The following MBD5 variants were observed in gnomAD, a reference collection of about 807,000 sequenced individuals.
MBD5 encodes the protein methyl-CpG-binding domain protein 5.
In MBD5, 13 loss-of-function variants were observed where a neutral mutation model predicts 117.3. The ratio of observed to expected loss-of-function variants is 0.11; its 90% CI spans 0.07 to 0.18. The LOEUF (loss-of-function observed/expected upper bound fraction) is 0.18. Among genes scored for constraint, MBD5 ranks in the 10% least tolerant of loss-of-function variants. The pLI is 1.00. For synonymous variants in MBD5, 727 were observed against 766.4 expected, an observed-to-expected ratio of 0.95 and a Z score of 0.85; for missense variants, 1,879 against 2,093.8, an observed-to-expected ratio of 0.90 and a Z score of 2.00.
chr2:148,388,457 A>G (rs1447124261), intron 4 of MBD5, among the ~76,000 whole-genome samples: 2 of 152,182 alleles, frequency 1.3e-5, no homozygotes, highest in East Asian at 3.8e-4. Context: ...TTGAGATTAC[A>G]GTTAGTATGG....
At chr2:148,265,274 T>C (rs191511616) in intron 3 of MBD5, among the ~76,000 whole-genome samples, 60 of 152,344 alleles carry the variant, frequency 3.9e-4, no homozygotes, top group African/African-American at 1.3e-3. Flanking sequence ...CAGTACCTGA[T>C]TAAAATAACA....
chr2:148,318,547 A>G (rs1360500765), intron 3 of MBD5, among the ~76,000 whole-genome samples: 2 of 152,158 alleles, frequency 1.3e-5, no homozygotes, highest in African/African-American at 4.8e-5. Flanking sequence ...GTCAATGTTC[A>G]GAAGAGATTT....
At chr2:148,369,726 T>C (rs1458718024) in intron 4 of MBD5, among the ~76,000 whole-genome samples, 2 of 152,172 alleles carry the variant, frequency 1.3e-5, no homozygotes, top group Non-Finnish European at 2.9e-5. Flanking sequence ...GGTATACTCC[T>C]GTGTTCAAAT....
intron 1 of MBD5, among the ~76,000 whole-genome samples, chr2:148,057,855 T>TA (rs1694913424): frequency 1.3e-5 from 2 of 150,712 alleles, no homozygotes; most frequent in South Asian, 4.3e-4. Context: ...TCTAAAAACT[T>TA]ACTGAGTTGT....
At chr2:148,211,197 G>A (rs1371434962) in intron 2 of MBD5, among the ~76,000 whole-genome samples, 1 of 152,056 alleles carries the variant, frequency 6.6e-6, no homozygotes, top group Non-Finnish European at 1.5e-5. Flanking sequence ...TTTTTTCTCT[G>A]TGAATTATCC....
chr2:148,089,436 T>C (rs565563100), intron 1 of MBD5, among the ~76,000 whole-genome samples: 1 of 152,210 alleles, frequency 6.6e-6, no homozygotes, highest in African/African-American at 2.4e-5. Flanking sequence ...TGATAGACCA[T>C]ACGATAGACC....
intron 1 of MBD5, among the ~76,000 whole-genome samples, chr2:148,058,317 T>C (rs1176531749): frequency 2.0e-5 from 3 of 152,074 alleles, no homozygotes; most frequent in Non-Finnish European, 4.4e-5. Context: ...TACTGAAATG[T>C]TAAATTAATT....
At chr2:148,079,216 C>A (rs189939206) in intron 1 of MBD5, among the ~76,000 whole-genome samples, 14 of 152,280 alleles carry the variant, frequency 9.2e-5, no homozygotes, top group Admixed American at 9.2e-4. Flanking sequence ...GGGATCTCAG[C>A]AGAATTGTGA....
chr2:148,452,285 C>G (rs1706751273), intron 4 of MBD5, among the ~76,000 whole-genome samples: 1 of 152,072 alleles, frequency 6.6e-6, no homozygotes, highest in Non-Finnish European at 1.5e-5. Context: ...CATTTGAGCT[C>G]AGGAGTTCAA....
chr2:148,454,910 T>A (rs558652410), intron 4 of MBD5, among the ~76,000 whole-genome samples: 1 of 152,190 alleles, frequency 6.6e-6, no homozygotes, highest in African/African-American at 2.4e-5. Flanking sequence ...TGGTGTTTGA[T>A]ACAGATTGCA....
At chr2:148,343,816 G>A (rs1275027425) in intron 4 of MBD5, among the ~76,000 whole-genome samples, 1 of 152,008 alleles carries the variant, frequency 6.6e-6, no homozygotes, top group Non-Finnish European at 1.5e-5. Context: ...AGTTTAATTA[G>A]GTCCCAATTG....
rs34236548 is a variant in MBD5 at position 148,397,325 on chromosome 2, CTT to C, written c.-557+55010_-557+55011del. Among the ~76,000 whole-genome samples, 635 of 100,648 alleles carry C rather than the reference CTT, an allele frequency of 6.3e-3. 3 individuals carry two copies. Among genetic ancestry groups the C allele is most frequent in the African/African-American group, 0.017 (461 of 26,372 alleles). The allele number at this position is 100,648 out of a possible 152,430, so 66.0% of individuals were successfully genotyped here. A position where few individuals can be genotyped will look rare whatever the true frequency, so the allele number is the denominator to read the frequency against. Reference sequence around the variant, plus strand: ...GCCCAAATGTTTCTGTCTTCTGATCCTTTTTTTTTTTTTTTTTTTTTTGAGAC... The same window carrying C: ...GCCCAAATGTTTCTGTCTTCTGATCCTTTTTTTTTTTTTTTTTTTTGAGAC... On this transcript the variant is annotated intron_variant, in intron 4 of 13. Coordinates refer to ENST00000642680, the MANE Select transcript of MBD5 (RefSeq NM_001378120.1).
chr2:148,150,703 A>G (rs905868106), intron 1 of MBD5, among the ~76,000 whole-genome samples: 16 of 152,148 alleles, frequency 1.1e-4, no homozygotes, highest in South Asian at 2.1e-4. Context: ...CTTTGAAGCA[A>G]TTGTGAATGG....
At chr2:148,080,214 ATGTT>A (rs1334151296) in intron 1 of MBD5, among the ~76,000 whole-genome samples, 10 of 152,300 alleles carry the variant, frequency 6.6e-5, no homozygotes, top group African/African-American at 2.4e-4. Context: ...CATGTACTGA[ATGTT>A]TGAGTCAGTT....
chr2:148,031,371 T>A (rs1694035093), intron 1 of MBD5, among the ~76,000 whole-genome samples: 1 of 152,118 alleles, frequency 6.6e-6, no homozygotes, highest in Non-Finnish European at 1.5e-5. Context: ...TCTGTAGAGT[T>A]AATCACAGTG....
intron 4 of MBD5, among the ~76,000 whole-genome samples, chr2:148,384,095 T>G (rs1194073495): frequency 6.6e-6 from 1 of 152,022 alleles, no homozygotes; most frequent in East Asian, 1.9e-4. Flanking sequence ...AACATAGTGT[T>G]GGAAGTTCTG....
intron 2 of MBD5, among the ~76,000 whole-genome samples, chr2:148,183,852 A>T (rs1672097655): frequency 6.6e-6 from 1 of 152,086 alleles, no homozygotes; most frequent in African/African-American, 2.4e-5. Flanking sequence ...GAATGACTGC[A>T]TTGTCATATG....
At chr2:148,097,713 A>G (rs1382030691) in intron 1 of MBD5, among the ~76,000 whole-genome samples, 1 of 152,216 alleles carries the variant, frequency 6.6e-6, no homozygotes, top group Non-Finnish European at 1.5e-5. Flanking sequence ...ACATTTGACT[A>G]TTTGGTAAAT....
At chr2:148,390,557 A>T (rs927203252) in intron 4 of MBD5, among the ~76,000 whole-genome samples, 4 of 69,730 alleles carry the variant, frequency 5.7e-5, no homozygotes, top group African/African-American at 2.8e-4. Context: ...ATATACGTGT[A>T]TGTGTGTATA....
Sources: gnomAD v4.1 joint callset for allele counts (sites outside exome capture counted in the v4.1 genomes callset) on GRCh38, gnomAD v4.1.1 for gene constraint, MANE v1.5 for transcripts, NCBI Gene and HGNC (gene_info 2026-07-23, HGNC 2026-07-21) for gene names.